The following DGKB variants were observed in gnomAD, a reference collection of about 807,000 sequenced individuals.
DGKB encodes diacylglycerol kinase beta.
In DGKB, 67 loss-of-function variants were observed where a neutral mutation model predicts 114.3. That is an observed-to-expected ratio of 0.59 (90% CI 0.48 to 0.72). The LOEUF (loss-of-function observed/expected upper bound fraction) is 0.72. Ranked by LOEUF, DGKB falls within the 30% of genes least tolerant of loss-of-function variation. DGKB has a pLI of 0.00. For missense variants in DGKB, 907 were observed against 975.2 expected, an observed-to-expected ratio of 0.93 and a Z score of 0.93; for synonymous variants, 398 against 323.1, an observed-to-expected ratio of 1.23 and a Z score of -2.49.
chr7:14,408,634 T>G (rs182478047), intron 21 of DGKB, among the ~76,000 whole-genome samples: 3 of 152,156 alleles, frequency 2.0e-5, no homozygotes, highest in Non-Finnish European at 2.9e-5. Context: ...GCTCACTGAT[T>G]CTTCTAAATT....
intron 10 of DGKB, among the ~76,000 whole-genome samples, chr7:14,684,462 T>C (rs1029126307): frequency 6.6e-6 from 1 of 152,166 alleles, no homozygotes; most frequent in African/African-American, 2.4e-5. Flanking sequence ...GAAGGGGTTA[T>C]AATATCTACC....
intron 23 of DGKB, among the ~76,000 whole-genome samples, chr7:14,304,023 T>TTATACA (rs1364332293): frequency 1.3e-5 from 2 of 150,072 alleles, no homozygotes; most frequent in East Asian, 4.0e-4. Context: ...CTGTCTGCTA[T>TTATACA]TATACACCAT....
intron 21 of DGKB, among the ~76,000 whole-genome samples, chr7:14,446,301 G>C (rs1278475412): frequency 6.6e-6 from 1 of 152,088 alleles, no homozygotes; most frequent in Non-Finnish European, 1.5e-5. Context: ...ATAGTTATGT[G>C]CACATCCTTA....
chr7:14,232,512 T>C (rs572118493), intron 23 of DGKB, among the ~76,000 whole-genome samples: 1 of 151,828 alleles, frequency 6.6e-6, no homozygotes, highest in Non-Finnish European at 1.5e-5. Context: ...GGGAAGAATC[T>C]CATGGCACTA....
chr7:14,808,753 C>G (rs2128072129), intron 2 of DGKB, among the ~76,000 whole-genome samples: 2 of 152,160 alleles, frequency 1.3e-5, no homozygotes, highest in African/African-American at 4.8e-5. Flanking sequence ...CCAAGAGGCT[C>G]TTGATGAAAC....
chr7:14,693,593 G>A (rs188845802), intron 9 of DGKB, among the ~76,000 whole-genome samples: 1 of 150,500 alleles, frequency 6.6e-6, no homozygotes, highest in African/African-American at 2.4e-5. Context: ...AAAGGTAATG[G>A]CAGAAAACGC....
intron 21 of DGKB, among the ~76,000 whole-genome samples, chr7:14,357,195 G>T (rs951564982): frequency 5.3e-5 from 8 of 152,132 alleles, no homozygotes; most frequent in Admixed American, 1.3e-4. Context: ...TGACAGTGGG[G>T]TGTTAATGTC....
At chr7:14,221,060 A>G (rs1187952166) in intron 23 of DGKB, among the ~76,000 whole-genome samples, 2 of 151,284 alleles carry the variant, frequency 1.3e-5, no homozygotes, top group Admixed American at 1.3e-4. Context: ...TTCTAATATT[A>G]TTTTGGTGAA....
intron 23 of DGKB, chr7:14,191,815 A>G: frequency 2.3e-6 from 1 of 431,686 alleles, no homozygotes; most frequent in Non-Finnish European, 4.7e-6. Context: ...TGCACCAAAC[A>G]GGCTAAATCA....
intron 1 of DGKB, among the ~76,000 whole-genome samples, chr7:14,970,222 T>C (rs774570998): frequency 1.3e-5 from 2 of 152,142 alleles, no homozygotes; most frequent in South Asian, 2.1e-4. Flanking sequence ...ATAATGACGA[T>C]GATGATGATG....
intron 19 of DGKB, among the ~76,000 whole-genome samples, chr7:14,574,848 TA>T (rs1798890602): frequency 6.6e-6 from 1 of 152,232 alleles, no homozygotes; most frequent in Non-Finnish European, 1.5e-5. Context: ...ACTTTCAATT[TA>T]AGTAAAAGGT....
intron 17 of DGKB, among the ~76,000 whole-genome samples, chr7:14,598,509 A>C (rs992293682): frequency 3.3e-4 from 50 of 152,206 alleles, no homozygotes; most frequent in African/African-American, 1.2e-3. Flanking sequence ...AGTTGTGTTT[A>C]CTGATTTCTG....
At chr7:14,552,560 T>A (rs1795248415) in intron 20 of DGKB, among the ~76,000 whole-genome samples, 1 of 152,198 alleles carries the variant, frequency 6.6e-6, no homozygotes, top group Non-Finnish European at 1.5e-5. Flanking sequence ...CTCTCCCTAT[T>A]TCATTGTTGC....
intron 21 of DGKB, among the ~76,000 whole-genome samples, chr7:14,388,686 A>G (rs1820830648): frequency 6.6e-6 from 1 of 152,148 alleles, no homozygotes; most frequent in African/African-American, 2.4e-5. Context: ...CCAAAGTTCA[A>G]ACATTAACTT....
intron 17 of DGKB, among the ~76,000 whole-genome samples, chr7:14,591,755 G>A (rs1395601566): frequency 6.6e-6 from 1 of 151,978 alleles, no homozygotes. Context: ...AAATTGTGAT[G>A]CTTAATATTA....
intron 2 of DGKB, among the ~76,000 whole-genome samples, chr7:14,761,488 A>G (rs1230583124): frequency 6.6e-6 from 1 of 152,136 alleles, no homozygotes; most frequent in Admixed American, 6.6e-5. Context: ...AAACATTCCT[A>G]TCTTTTTTAT....
intron 14 of DGKB, among the ~76,000 whole-genome samples, chr7:14,623,077 T>C (rs1405184353): frequency 6.6e-6 from 1 of 152,230 alleles, no homozygotes; most frequent in African/African-American, 2.4e-5. Context: ...CTATATCAGA[T>C]CCTAAATCAG....
At chr7:14,658,876 C>G (rs979068300) in intron 13 of DGKB, among the ~76,000 whole-genome samples, 1 of 151,696 alleles carries the variant, frequency 6.6e-6, no homozygotes, top group Non-Finnish European at 1.5e-5. Flanking sequence ...CATAATTTAT[C>G]TTGATGGTAT....
At chr7:14,550,824 T>C in intron 20 of DGKB, among the ~76,000 whole-genome samples, 1 of 152,154 alleles carries the variant, frequency 6.6e-6, no homozygotes, top group Admixed American at 6.5e-5. Context: ...TCTAAAATTA[T>C]ATCACAGTTT....
Sources: gnomAD v4.1 joint callset for allele counts (sites outside exome capture counted in the v4.1 genomes callset) on GRCh38, gnomAD v4.1.1 for gene constraint, MANE v1.5 for transcripts, NCBI Gene and HGNC (gene_info 2026-07-23, HGNC 2026-07-21) for gene names.